The following SLC5A5 variants were observed in gnomAD, a reference collection of about 807,000 sequenced individuals.
The protein encoded by SLC5A5 is solute carrier family 5 member 5.
SLC5A5 carries 56 observed loss-of-function variants against 68.6 expected under a neutral mutation model. The observed-to-expected ratio is 0.82, with a 90% confidence interval of 0.66 to 1.02. SLC5A5 has a LOEUF of 1.02. SLC5A5 is among the 50% of genes least tolerant of loss of function. The probability of loss-of-function intolerance (pLI) is 0.00; values close to 1 mark genes in which losing one functional copy is unlikely to be tolerated. For missense variants in SLC5A5, 807 were observed against 859.8 expected (o/e 0.94, Z 0.77); for synonymous variants, 398 against 373.0 (o/e 1.07, Z -0.77).
At chr19:17,887,095 C>A (rs906350059) in intron 12 of SLC5A5, among the ~76,000 whole-genome samples, 7 of 151,780 alleles carry the variant, frequency 4.6e-5, no homozygotes, top group African/African-American at 1.7e-4. Context: ...AACAAACAAA[C>A]AAAAAAACAC....
intron 2 of SLC5A5, 60 bp downstream of exon 2, chr19:17,874,263 C>A (rs1599909004): frequency 8.1e-7 from 1 of 1,240,026 alleles, no homozygotes; most frequent in East Asian, 2.3e-5. Flanking sequence ...CTTCACTAGC[C>A]CGGCCCCCAC....
intron 12 of SLC5A5, 95 bp downstream of exon 12, chr19:17,884,141 A>T: frequency 8.9e-7 from 1 of 1,122,712 alleles, no homozygotes; most frequent in Non-Finnish European, 1.3e-6. Flanking sequence ...AAGAAGCCTG[A>T]TTAGTAAAAT....
Position 17,872,233 on chromosome 19 carries a change from C to A in SLC5A5, c.-87C>A. ...CCGAGCATCCTCCCACCCGCCCTCC[C>A]CGTCCTGCCTCCTCGGCCCCTGCCA... On this transcript the variant is annotated 5_prime_UTR_variant, in exon 1 of 15. Transcript: ENST00000222248. The A allele has an allele frequency of 1.5e-6, 1 of 661,032 alleles. No individual in the cohort carries two copies. Among genetic ancestry groups the A allele is most frequent in the East Asian group, 3.0e-5 (1 of 33,152 alleles). The allele number at this position is 661,032 out of a possible 1,614,324, so 40.9% of individuals were successfully genotyped here.
chr19:17,877,681 C>T lies in SLC5A5; in HGVS notation c.699-42C>T, dbSNP rs369928604. 3.8e-5 allele frequency: 62 copies of T among 1,612,158 alleles called. 1 individual carries two copies. The highest frequency in any genetic ancestry group is 1.9e-4 in the Middle Eastern group (1 of 5,316). ...GGGGCCCTTGGGAGGGTGAAGTCAG[C>T]GTGACATCTCCACGTGGCTAACTTG... is the stretch of plus-strand genomic sequence containing the variant. On this transcript the variant is annotated intron_variant, in intron 5 of 14. Coordinates refer to ENST00000222248, the MANE Select transcript of SLC5A5 (RefSeq NM_000453.3).
rs765405653 is a variant in SLC5A5, at chr19:17,883,881, C to T, written c.1361C>T (p.Ala454Val). The part of the protein sequence containing the change: ...GVLAGLGAGL[A>V]LSLWVALGAT... The stretch of plus-strand genomic sequence containing the variant: ...CTCGCGGGACTAGGCGCGGGCTTGG[C>T]GCTGTCGCTGTGGGTGGCCTTGGGC... Residue 454 changes from alanine to valine, a missense_variant, in exon 12 of 15, where the codon GCG becomes GTG. Transcript: ENST00000222248. 2 of 1,578,188 alleles carry T rather than the reference C, an allele frequency of 1.3e-6. No homozygotes were observed. The highest frequency in any genetic ancestry group is 1.7e-6 in the Non-Finnish European group (2 of 1,163,600).
rs1394803923 is a variant in SLC5A5 at position 17,893,766 on chromosome 19, C to T, written c.1821C>T (p.Thr607=). The part of the protein sequence containing the change: ...GNKKPPGFLP[T]NEDRLFFLGQ... ...AGAAGCCCCCTGGCTTCCTGCCCAC[C>T]AATGAGGATCGTCTGTTTTTCTTGG... The change falls in exon 15 of 15, where the codon ACC becomes ACT. Residue 607 remains threonine, a synonymous_variant. Coordinates refer to ENST00000222248, the MANE Select transcript of SLC5A5 (RefSeq NM_000453.3). The T allele has an allele frequency of 3.7e-6, 6 of 1,613,740 alleles. No homozygotes were observed. Among genetic ancestry groups the T allele is most frequent in the Non-Finnish European group, 5.1e-6 (6 of 1,179,928 alleles).
At chr19:17,872,704 C>T (rs779682534) in intron 1 of SLC5A5, 28 bp downstream of exon 1, 9 of 1,375,316 alleles carry the variant, frequency 6.5e-6, no homozygotes, top group Non-Finnish European at 9.3e-6. Context: ...GGGGGTAGGA[C>T]CTGCCCCACT....
intron 14 of SLC5A5, among the ~76,000 whole-genome samples, chr19:17,893,079 G>T (rs80111948): frequency 0.23 from 29,795 of 127,276 alleles, 3,447 homozygotes; most frequent in Middle Eastern, 0.27. Context: ...TTATTTGTGT[G>T]TTTTTTTTCT....
chr19:17,881,341 A>G (rs1054866905), intron 8 of SLC5A5, among the ~76,000 whole-genome samples: 2 of 150,790 alleles, frequency 1.3e-5, no homozygotes, highest in African/African-American at 2.4e-5. Context: ...ATCTCGGCTC[A>G]CTGCAACCTC....
intron 13 of SLC5A5, among the ~76,000 whole-genome samples, chr19:17,889,571 AAAGC>A (rs2030083315): frequency 6.6e-6 from 1 of 152,046 alleles, no homozygotes; most frequent in South Asian, 2.1e-4. Context: ...TCCTGAGCTG[AAAGC>A]AATCCTCCCA....
chr19:17,893,928 G>T lies in SLC5A5; in HGVS notation c.*51G>T. On this transcript the variant is annotated 3_prime_UTR_variant, in exon 15 of 15. Transcript: ENST00000222248. ...ACCCTGGGATGGAACCTCAGGATGG[G>T]CCAAACCCAGACAACGGGCCCATGG... 6.6e-7 allele frequency: 1 copy of T among 1,522,114 alleles called. No homozygotes were observed. Among genetic ancestry groups the T allele is most frequent in the Non-Finnish European group, 8.9e-7 (1 of 1,120,428 alleles). 94.3% of individuals were successfully genotyped at this position (1,522,114 alleles called of 1,614,324 possible). A position where few individuals can be genotyped will look rare whatever the true frequency, so the allele number is the denominator to read the frequency against.
At chr19:17,881,576 T>C (rs11672428) in intron 8 of SLC5A5, among the ~76,000 whole-genome samples, 13,761 of 152,254 alleles carry the variant, frequency 0.09, 767 homozygotes, top group African/African-American at 0.15. Flanking sequence ...CCAGGTACTG[T>C]TGTTCTAAAC....
chr19:17,890,390 G>C (rs1284351526), intron 13 of SLC5A5, among the ~76,000 whole-genome samples: 2 of 151,748 alleles, frequency 1.3e-5, no homozygotes, highest in East Asian at 3.9e-4. Flanking sequence ...TTTTTGTTTT[G>C]TTTTGTTTTG....
chr19:17,888,767 G>T (rs60567680), intron 13 of SLC5A5, among the ~76,000 whole-genome samples: 4,216 of 151,536 alleles, frequency 0.028, 183 homozygotes, highest in African/African-American at 0.095. Flanking sequence ...CGAGTAGCTG[G>T]GATTACAAGT....
intron 13 of SLC5A5, among the ~76,000 whole-genome samples, chr19:17,889,700 C>T (rs904397416): frequency 5.9e-5 from 9 of 152,184 alleles, no homozygotes; most frequent in Non-Finnish European, 7.3e-5. Flanking sequence ...CAGAGCTTGC[C>T]CTATTTTGCA....
intron 5 of SLC5A5, among the ~76,000 whole-genome samples, chr19:17,876,566 A>G (rs896830229): frequency 6.6e-6 from 1 of 151,132 alleles, no homozygotes; most frequent in Admixed American, 6.6e-5. Context: ...CATCTCTACT[A>G]AAAAATACAA....
intron 3 of SLC5A5, 33 bp downstream of exon 3, chr19:17,874,578 G>C (rs370855311): frequency 2.5e-6 from 4 of 1,613,432 alleles, no homozygotes; most frequent in Non-Finnish European, 3.4e-6. Context: ...AAGCATGTCT[G>C]GGAAGAGAAA....
At chr19:17,893,672 C>T in intron 14 of SLC5A5, 41 bp from the exon 15 acceptor site, 1 of 1,603,208 alleles carries the variant, frequency 6.2e-7, no homozygotes, top group African/African-American at 1.3e-5. Context: ...AGGGTGGGGA[C>T]AGGGTCTCTG....
Position 17,877,842 on chromosome 19 carries a change from G to C in SLC5A5, c.818G>C (p.Arg273Pro), listed in dbSNP as rs769895208. ...QAQVQRYVAC[R>P]TEKQAKLALL... is the part of the protein sequence containing the mutation. ...CAGGTGCAGCGCTACGTGGCTTGCC[G>C]CACAGAGAAGCAGGCCAAGCTGTGA... is the stretch of plus-strand genomic sequence containing the variant. Residue 273 changes from arginine (R) to proline (P), a missense_variant, in exon 6 of 15, where the codon CGC becomes CCC. By Grantham distance (103) the Arg-to-Pro change is moderately radical. Coordinates refer to ENST00000222248, the MANE Select transcript of SLC5A5 (RefSeq NM_000453.3). The C allele has an allele frequency of 6.2e-7, 1 of 1,614,204 alleles. No individual in the cohort carries two copies. The highest frequency in any genetic ancestry group is 1.1e-5 in the South Asian group (1 of 91,086).
Sources: gnomAD v4.1 joint callset for allele counts (sites outside exome capture counted in the v4.1 genomes callset) on GRCh38, gnomAD v4.1.1 for gene constraint, MANE v1.5 for transcripts, NCBI Gene and HGNC (gene_info 2026-07-23, HGNC 2026-07-21) for gene names.